The following SIGLEC6 variants were observed in gnomAD, a reference collection of about 807,000 sequenced individuals.
SIGLEC6 encodes the protein sialic acid-binding Ig-like lectin 6.
SIGLEC6 carries 31 observed loss-of-function variants against 41.4 expected under a neutral mutation model. That is an observed-to-expected ratio of 0.75 (90% CI 0.56 to 1.01). The LOEUF (loss-of-function observed/expected upper bound fraction) is 1.01. SIGLEC6 is among the 50% of genes least tolerant of loss of function. SIGLEC6 has a pLI of 0.00. For synonymous variants in SIGLEC6, 217 were observed against 231.0 expected, an observed-to-expected ratio of 0.94 and a Z score of 0.55; for missense variants, 555 against 558.6, an observed-to-expected ratio of 0.99 and a Z score of 0.06.
chr19:51,526,146 T>C (rs1440840058), intron 7 of SIGLEC6, among the ~76,000 whole-genome samples: 1 of 152,126 alleles, frequency 6.6e-6, no homozygotes. Context: ...GAAAAAGCCC[T>C]CTACCACTGG....
At position 51,521,092 on chromosome 19, in the gene SIGLEC6, G is replaced by C. The variant is rs887281602; in HGVS notation, c.1189-837C>G. On this transcript the variant is annotated intron_variant, in intron 7 of 7. Coordinates refer to ENST00000425629, the MANE Select transcript of SIGLEC6 (RefSeq NM_001245.7). ...GCAGGAGTGGCATATCTGATTCCTA[G>C]ACAGGTACTGGAGGACAGAACAGAG... Among the ~76,000 whole-genome samples the C allele has an allele frequency of 4.6e-5, 7 of 152,150 alleles. 1 individual carries two copies. Among genetic ancestry groups the C allele is most frequent in the Non-Finnish European group, 2.9e-5 (2 of 68,038 alleles).
rs779425979 is a variant in SIGLEC6, at chr19:51,531,653, A to C, written c.-5T>G. 6.3e-7 allele frequency: 1 copy of C among 1,596,174 alleles called. No homozygotes were observed. The highest frequency in any genetic ancestry group is 1.1e-5 in the South Asian group (1 of 88,878). ...GGCTTCCTGGGCTCCCTGCATGAGC[A>C]GAGAAGGGGAAGGGAGTGGAGGGGA... is the stretch of plus-strand genomic sequence containing the variant. On this transcript the variant is annotated 5_prime_UTR_variant, in exon 1 of 8. Transcript: ENST00000425629.
At chr19:51,527,504 A>AC (rs3217679) in intron 7 of SIGLEC6, among the ~76,000 whole-genome samples, 91,283 of 151,940 alleles carry the variant, frequency 0.6, 27,654 homozygotes, top group Admixed American at 0.66. Context: ...GAGCATAAAT[A>AC]CCCCCAGCAA....
At chr19:51,528,566 C>G (rs1979630527) in intron 5 of SIGLEC6, 1 of 399,492 alleles carries the variant, frequency 2.5e-6, no homozygotes, top group Non-Finnish European at 4.7e-6. Flanking sequence ...GAAGTCCTAA[C>G]CCCCAGCACC....
intron 5 of SIGLEC6, among the ~76,000 whole-genome samples, chr19:51,529,216 G>A (rs1417596312): frequency 6.6e-6 from 1 of 152,142 alleles, no homozygotes; most frequent in Non-Finnish European, 1.5e-5. Context: ...CATGATCTTG[G>A]ACTTCTGACC....
intron 7 of SIGLEC6, among the ~76,000 whole-genome samples, chr19:51,524,167 C>T (rs1009373962): frequency 1.2e-4 from 19 of 152,108 alleles, no homozygotes; most frequent in African/African-American, 4.6e-4. Flanking sequence ...TATAAATGGT[C>T]TAAACACTCC....
rs1315554103 is a variant in SIGLEC6, at chr19:51,518,480, A to C, written c.*1602T>G. On this transcript the variant is annotated 3_prime_UTR_variant, in exon 8 of 8. Transcript: ENST00000425629. ...TCAACCTGCAGAAGTACCTGGGATTACAGGCAAGTGCCACCACACCGAGCT... is the reference window on the plus strand; with the variant it reads ...TCAACCTGCAGAAGTACCTGGGATTCCAGGCAAGTGCCACCACACCGAGCT... Among the ~76,000 whole-genome samples the C allele has an allele frequency of 1.3e-5, 2 of 152,156 alleles. No homozygotes were observed. The highest frequency in any genetic ancestry group is 4.8e-5 in the African/African-American group (2 of 41,428).
chr19:51,531,013 G>A (rs1301846801), intron 2 of SIGLEC6, 54 bp from the exon 3 acceptor site: 1 of 1,588,708 alleles, frequency 6.3e-7, no homozygotes, highest in Non-Finnish European at 8.5e-7. Flanking sequence ...GTTTCACCCA[G>A]GGGGAAGCCC....
At chr19:51,530,641 C>T (rs764303306) in intron 3 of SIGLEC6, 40 bp downstream of exon 3, 2 of 1,611,516 alleles carry the variant, frequency 1.2e-6, no homozygotes, top group South Asian at 1.1e-5. Context: ...CCTGTCCCCC[C>T]ACACCCTCAG....
intron 4 of SIGLEC6, 92 bp from the exon 5 acceptor site, chr19:51,530,073 A>C: frequency 7.0e-7 from 1 of 1,437,620 alleles, no homozygotes; most frequent in South Asian, 1.4e-5. Context: ...ACTAGCTCTG[A>C]GGAGGAGACT....
At chr19:51,530,980 C>A (rs943279947) in intron 2 of SIGLEC6, 21 bp from the exon 3 acceptor site, 1 of 1,605,558 alleles carries the variant, frequency 6.2e-7, no homozygotes, top group Non-Finnish European at 8.5e-7. Context: ...GATGGGGACG[C>A]AGGATCAGGA....
rs774556009 is a variant in SIGLEC6, at chr19:51,531,439, G to A, written c.148C>T (p.Pro50Ser). ...GGAAGGGTAGTGGGCAATCTGCAGG[G>A]TACGAGGACGCACAGACCCTCCTGC... ...TVQEGLCVLV[P>S]CRLPTTLPAS... Residue 50 changes from proline (P) to serine (S), a missense_variant, in exon 2 of 8, where the codon CCC becomes TCC. Coordinates refer to ENST00000425629, the MANE Select transcript of SIGLEC6 (RefSeq NM_001245.7). 1.4e-4 allele frequency: 221 copies of A among 1,613,986 alleles called. No homozygotes were observed. Among genetic ancestry groups the A allele is most frequent in the Non-Finnish European group, 1.7e-4 (206 of 1,180,010 alleles).
rs1990783371 is a variant in SIGLEC6 at position 51,520,012 on chromosome 19, A to G, written c.*70T>C. On this transcript the variant is annotated 3_prime_UTR_variant, in exon 8 of 8. Coordinates refer to ENST00000425629, the MANE Select transcript of SIGLEC6 (RefSeq NM_001245.7). Reference sequence around the variant, plus strand: ...TCGGTTTGTGGTACATTGCTGTGGCAGCCCTAGTAACCAATACACTGAGAG... The same window carrying G: ...TCGGTTTGTGGTACATTGCTGTGGCGGCCCTAGTAACCAATACACTGAGAG... 3 of 1,307,892 alleles carry G rather than the reference A, an allele frequency of 2.3e-6. No individual in the cohort carries two copies. The East Asian group carries it at 7.3e-5, about 32-fold the overall frequency. 81.0% of individuals were successfully genotyped at this position (1,307,892 alleles called of 1,614,324 possible).
rs567449022 is a variant in SIGLEC6 at position 51,531,522 on chromosome 19, A to G, written c.68-3T>C. ...TCTCCGCTCCTGAGCCAGGGCCCCT[A>G]TGGAGACATGAGGGTCAGCTCGGCC... On this transcript the variant is annotated splice_polypyrimidine_tract_variant and splice_region_variant and intron_variant, in intron 1 of 7. Coordinates refer to ENST00000425629, the MANE Select transcript of SIGLEC6 (RefSeq NM_001245.7). The G allele has an allele frequency of 5.2e-5, 84 of 1,613,866 alleles. No individual in the cohort carries two copies. The highest frequency in any genetic ancestry group is 6.3e-5 in the Non-Finnish European group (74 of 1,179,888).
chr19:51,527,833 G>T lies in SIGLEC6; in HGVS notation c.1107-5C>A. 1 of 1,613,790 alleles carries T rather than the reference G, an allele frequency of 6.2e-7. No homozygotes were observed. Among genetic ancestry groups the T allele is most frequent in the Non-Finnish European group, 8.5e-7 (1 of 1,179,794 alleles). On this transcript the variant is annotated splice_region_variant and splice_polypyrimidine_tract_variant and intron_variant, in intron 6 of 7. Transcript: ENST00000425629. ...TTCTTCCTTCTAGTCTTCACTCTGA[G>T]GGAACAGCCCTAAGCCTTTCAGCCT...
rs1990685223 is a variant in SIGLEC6, at chr19:51,518,566, C to T, written c.*1516G>A. On this transcript the variant is annotated 3_prime_UTR_variant, in exon 8 of 8. Transcript: ENST00000425629. ...TGTTGGCCAGACCAGTCTCGAACTC[C>T]TGACCTCCAGTGATCCACCCACCTC... Among the ~76,000 whole-genome samples the T allele has an allele frequency of 6.6e-6, 1 of 152,242 alleles. No individual in the cohort carries two copies. The highest frequency in any genetic ancestry group is 2.4e-5 in the African/African-American group (1 of 41,462).
At position 51,531,416 on chromosome 19, in the gene SIGLEC6, A is replaced by T. The variant is rs1395531862; in HGVS notation, c.171T>A (p.Leu57=). 6.2e-7 allele frequency: 1 copy of T among 1,614,074 alleles called. No homozygotes were observed. The highest frequency in any genetic ancestry group is 2.2e-5 in the East Asian group (1 of 44,852). ...AGCCATAACCATAGTACGAGGCTGG[A>T]AGGGTAGTGGGCAATCTGCAGGGTA... ...VLVPCRLPTT[L]PASYYGYGYW... is the part of the protein sequence containing the mutation. Residue 57 remains leucine (L), a synonymous_variant, in exon 2 of 8, where the codon CTT becomes CTA. Coordinates refer to ENST00000425629, the MANE Select transcript of SIGLEC6 (RefSeq NM_001245.7).
rs890931015 is a variant in SIGLEC6, at chr19:51,529,532, C to A, written c.1012+192G>T. 8.5e-5 allele frequency: 57 copies of A among 667,220 alleles called. No individual in the cohort carries two copies. The African/African-American group carries it at 9.1e-4, about 11-fold the overall frequency. 41.3% of individuals were successfully genotyped at this position (667,220 alleles called of 1,614,324 possible). ...GCTGCTGTTCCCATCCCTCCAGAAT[C>A]TCCTCCCCAAGCTGCCAGTGCAGGG... On this transcript the variant is annotated intron_variant, in intron 5 of 7. Transcript: ENST00000425629.
intron 7 of SIGLEC6, among the ~76,000 whole-genome samples, chr19:51,523,564 A>C (rs1163470727): frequency 6.6e-6 from 1 of 152,210 alleles, no homozygotes; most frequent in East Asian, 1.9e-4. Flanking sequence ...GCCCTAGGGA[A>C]GCCAGATGAT....
Sources: allele counts gnomAD v4.1 joint callset (sites outside exome capture counted in the v4.1 genomes callset), GRCh38; gene constraint gnomAD v4.1.1; transcripts MANE v1.5; gene names NCBI Gene and HGNC (gene_info 2026-07-23, HGNC 2026-07-21).